TMEM273: variants seen among roughly 807,000 people sequenced by gnomAD.
TMEM273 encodes the protein transmembrane protein 273.
In TMEM273, 19 loss-of-function variants were observed where a neutral mutation model predicts 17.9. That is an observed-to-expected ratio of 1.06 (90% CI 0.74 to 1.55). TMEM273 has a LOEUF of 1.55. Among genes scored for constraint, TMEM273 ranks in the 40% most tolerant of loss-of-function variants. The probability of loss-of-function intolerance (pLI) is 0.00; values close to 1 mark genes in which losing one functional copy is unlikely to be tolerated. For missense variants in TMEM273, 194 were observed against 155.6 expected (o/e 1.25, Z -1.31); for synonymous variants, 66 against 62.0 (o/e 1.07, Z -0.31).
Position 49,173,681 on chromosome 10 carries a change from G to A in TMEM273, c.44-5719C>T, listed in dbSNP as rs540303664. ...AGAGGAAGCTGTTTCTCCCAAGAGC[G>A]AGATGATGCATGAGAGCCCTCGGAA... On this transcript the variant is annotated intron_variant, in intron 1 of 6. Transcript: ENST00000374153. 2.0e-4 allele frequency among the ~76,000 whole-genome samples: 31 copies of A among 152,350 alleles called. No individual in the cohort carries two copies. In the East Asian group the frequency reaches 2.3e-3, roughly 11 times the overall value.
chr10:49,176,661 G>A (rs956499773), intron 1 of TMEM273, among the ~76,000 whole-genome samples: 1 of 152,200 alleles, frequency 6.6e-6, no homozygotes, highest in Non-Finnish European at 1.5e-5. Context: ...CTGACCGAGG[G>A]GAGTGCGCAT....
intron 1 of TMEM273, among the ~76,000 whole-genome samples, chr10:49,186,018 G>A (rs1269760826): frequency 1.4e-5 from 2 of 142,090 alleles, no homozygotes; most frequent in African/African-American, 5.3e-5. Flanking sequence ...GGAGGAGGAG[G>A]AAGAAGAAGA....
At chr10:49,162,711 G>A (rs1172367970) in intron 5 of TMEM273, among the ~76,000 whole-genome samples, 2 of 152,090 alleles carry the variant, frequency 1.3e-5, no homozygotes, top group Admixed American at 6.5e-5. Flanking sequence ...CCCAGCAGAG[G>A]GCCCCTGAGG....
chr10:49,156,190 G>A (rs1344151153), intron 6 of TMEM273: 2 of 1,475,450 alleles, frequency 1.4e-6, no homozygotes, highest in South Asian at 1.2e-5. Context: ...ATTCCTCGAG[G>A]TTAATAGGCA....
chr10:49,158,350 T>C (rs1338545685), intron 6 of TMEM273, among the ~76,000 whole-genome samples: 1 of 152,050 alleles, frequency 6.6e-6, no homozygotes, highest in South Asian at 2.1e-4. Flanking sequence ...CTTTGGTCTA[T>C]ACAAAAGCCC....
intron 6 of TMEM273, among the ~76,000 whole-genome samples, chr10:49,159,763 C>G (rs1411813666): frequency 6.6e-6 from 1 of 151,552 alleles, no homozygotes; most frequent in Non-Finnish European, 1.5e-5. Context: ...AACAGGGACC[C>G]TTGGGAAAAT....
At chr10:49,169,215 A>T (rs1846396912) in intron 1 of TMEM273, among the ~76,000 whole-genome samples, 1 of 152,204 alleles carries the variant, frequency 6.6e-6, no homozygotes, top group Non-Finnish European at 1.5e-5. Flanking sequence ...TCACATTCAA[A>T]CTTCCAGGCA....
intron 4 of TMEM273, 119 bp from the exon 5 acceptor site, chr10:49,165,402 C>G: frequency 6.6e-7 from 1 of 1,521,534 alleles, no homozygotes; most frequent in African/African-American, 1.4e-5. Flanking sequence ...AGCAGGGAAG[C>G]CCAGAAACCT....
At chr10:49,156,711 A>C (rs1448681291) in intron 6 of TMEM273, among the ~76,000 whole-genome samples, 1 of 152,250 alleles carries the variant, frequency 6.6e-6, no homozygotes, top group Non-Finnish European at 1.5e-5. Flanking sequence ...AAGGCGGGAC[A>C]GAGTGAAGCA....
At chr10:49,158,470 T>C (rs2132084680) in intron 6 of TMEM273, among the ~76,000 whole-genome samples, 1 of 152,320 alleles carries the variant, frequency 6.6e-6, no homozygotes, top group African/African-American at 2.4e-5. Flanking sequence ...AAGTTGATTC[T>C]AAAGTTCATA....
At chr10:49,159,580 C>T (rs538298337) in intron 6 of TMEM273, among the ~76,000 whole-genome samples, 9 of 152,288 alleles carry the variant, frequency 5.9e-5, no homozygotes, top group African/African-American at 1.9e-4. Flanking sequence ...TTTAAATGCA[C>T]GTTTCGTGAC....
intron 2 of TMEM273, among the ~76,000 whole-genome samples, 177 bp downstream of exon 2, chr10:49,167,732 C>T (rs576499533): frequency 6.6e-6 from 1 of 152,294 alleles, no homozygotes; most frequent in South Asian, 2.1e-4. Flanking sequence ...TAATGCAAGG[C>T]CTTTCCCCCG....
chr10:49,179,636 CA>C (rs1847218482), intron 1 of TMEM273, among the ~76,000 whole-genome samples: 1 of 152,076 alleles, frequency 6.6e-6, no homozygotes. Flanking sequence ...AAAAGACCCC[CA>C]AAAATGGAGA....
chr10:49,158,041 T>C (rs1380243840), intron 6 of TMEM273, among the ~76,000 whole-genome samples: 1 of 152,136 alleles, frequency 6.6e-6, no homozygotes, highest in Admixed American at 6.5e-5. Context: ...GGAGACATAA[T>C]GGCAAAAACT....
rs551548451 is a variant in TMEM273 at position 49,169,713 on chromosome 10, G to GT, written c.44-1752dup. Among the ~76,000 whole-genome samples the GT allele has an allele frequency of 1.1e-3, 174 of 152,010 alleles. 2 individuals are homozygous for GT. The highest frequency in any genetic ancestry group is 0.011 in the South Asian group (54 of 4,812). On this transcript the variant is annotated intron_variant, in intron 1 of 6. Coordinates refer to ENST00000374153, the MANE Select transcript of TMEM273 (RefSeq NM_001288740.3). ...ATCAGCTTCATTCCATTGTCTTATT[G>GT]TTTTTTTTAAGTCAATCTTGCTGCT...
chr10:49,172,886 A>G (rs1017089092), intron 1 of TMEM273, among the ~76,000 whole-genome samples: 1 of 152,098 alleles, frequency 6.6e-6, no homozygotes, highest in Non-Finnish European at 1.5e-5. Context: ...ACTCCACGTG[A>G]CTCCCACAGG....
intron 1 of TMEM273, among the ~76,000 whole-genome samples, chr10:49,187,356 A>T (rs1847789536): frequency 6.6e-6 from 1 of 152,218 alleles, no homozygotes; most frequent in African/African-American, 2.4e-5. Flanking sequence ...TTTAGATGGA[A>T]ACCTGCCCAC....
intron 1 of TMEM273, among the ~76,000 whole-genome samples, chr10:49,168,492 C>A (rs939852461): frequency 1.3e-5 from 2 of 152,142 alleles, no homozygotes; most frequent in Middle Eastern, 3.2e-3. Context: ...TATGTAACAA[C>A]ATTTACATAG....
At chr10:49,178,196 C>G (rs1847114661) in intron 1 of TMEM273, 1 of 457,294 alleles carries the variant, frequency 2.2e-6, no homozygotes, top group African/African-American at 2.0e-5. Flanking sequence ...ACCTCTCATT[C>G]TCCCCTCTTG....
Sources: gnomAD v4.1 joint callset for allele counts (sites outside exome capture counted in the v4.1 genomes callset) on GRCh38, gnomAD v4.1.1 for gene constraint, MANE v1.5 for transcripts, NCBI Gene and HGNC (gene_info 2026-07-23, HGNC 2026-07-21) for gene names.